GGA1: variants seen among roughly 807,000 people sequenced by gnomAD.
GGA1 encodes the protein ADP-ribosylation factor-binding protein GGA1.
Under a neutral mutation model 76.9 loss-of-function variants are expected in GGA1, and 18 were observed. That is an observed-to-expected ratio of 0.23 (90% CI 0.16 to 0.35). GGA1 has a LOEUF of 0.35. Ranked by LOEUF, GGA1 falls within the 10% of genes least tolerant of loss-of-function variation. The pLI is 1.00. For synonymous variants in GGA1, 342 were observed against 354.7 expected, an observed-to-expected ratio of 0.96 and a Z score of 0.40; for missense variants, 755 against 859.0, an observed-to-expected ratio of 0.88 and a Z score of 1.51.
At chr22:37,626,178 C>T in intron 11 of GGA1, 1 of 386,758 alleles carries the variant, frequency 2.6e-6, no homozygotes, top group East Asian at 3.7e-5. Context: ...CTAAGCCGGC[C>T]TCGGATAAGC....
intron 3 of GGA1, 30 bp from the exon 4 acceptor site, chr22:37,618,418 C>A: frequency 2.9e-6 from 4 of 1,379,488 alleles, no homozygotes; most frequent in Non-Finnish European, 4.1e-6. Flanking sequence ...TGCACCTGGG[C>A]GTCCCCTCCC....
At chr22:37,620,172 C>T (rs1003575280) in intron 4 of GGA1, 66 bp from the exon 5 acceptor site, 2 of 1,588,342 alleles carry the variant, frequency 1.3e-6, no homozygotes, top group African/African-American at 2.7e-5. Context: ...AGGGTGTGGA[C>T]AGGGCTTGAG....
At position 37,618,320 on chromosome 22, in the gene GGA1, C is replaced by T. The variant is rs916840389; in HGVS notation, c.205-128C>T. 27 of 618,302 alleles carry T rather than the reference C, an allele frequency of 4.4e-5. No individual in the cohort carries two copies. The South Asian group carries it at 5.0e-4, about 11-fold the overall frequency. The allele number at this position is 618,302 out of a possible 1,614,324, so 38.3% of individuals were successfully genotyped here. On this transcript the variant is annotated intron_variant, in intron 3 of 16. Transcript: ENST00000343632. Reference sequence around the variant, plus strand: ...GCCTGTGTGACTCTGAATCTTCCAACCTCACAGGCCATTCCCTCCCTTCTG... The same window carrying T: ...GCCTGTGTGACTCTGAATCTTCCAATCTCACAGGCCATTCCCTCCCTTCTG...
chr22:37,614,377 G>A (rs921728682), intron 2 of GGA1, 103 bp downstream of exon 2: 40 of 791,716 alleles, frequency 5.1e-5, no homozygotes, highest in Middle Eastern at 2.2e-4. Context: ...CATTCTGAAC[G>A]TATTCACAAA....
chr22:37,631,864 G>T, intron 14 of GGA1, 132 bp from the exon 15 acceptor site: 1 of 695,846 alleles, frequency 1.4e-6, no homozygotes, highest in Middle Eastern at 3.9e-4. Flanking sequence ...GTCCAGGTAA[G>T]GCCCCAAAGG....
At position 37,623,130 on chromosome 22, in the gene GGA1, G is replaced by A. The variant is rs1930184392; in HGVS notation, c.610-197G>A. ...GAGCTTGTGCAGAGGCCTGGGCACT[G>A]GGGGCTTCTTGGACCAGCGTGCCCT... On this transcript the variant is annotated intron_variant, in intron 7 of 16. Coordinates refer to ENST00000343632, the MANE Select transcript of GGA1 (RefSeq NM_013365.5). The surrounding 1 kb of genome is among the most constrained non-coding windows in gnomAD (Gnocchi z 4.6). Among the ~76,000 whole-genome samples the A allele has an allele frequency of 6.6e-6, 1 of 152,166 alleles. No individual in the cohort carries two copies. Among genetic ancestry groups the A allele is most frequent in the African/African-American group, 2.4e-5 (1 of 41,444 alleles).
chr22:37,612,057 G>A (rs1444000396), intron 1 of GGA1, among the ~76,000 whole-genome samples: 2 of 152,062 alleles, frequency 1.3e-5, no homozygotes, highest in African/African-American at 2.4e-5. Context: ...TCAGGAGGCT[G>A]AAGCAGGAGA....
intron 1 of GGA1, chr22:37,609,279 A>C: frequency 8.9e-7 from 1 of 1,127,074 alleles, no homozygotes; most frequent in East Asian, 9.5e-5. Context: ...TGCATCTCAC[A>C]CCCGGGAGGG....
At position 37,618,525 on chromosome 22, in the gene GGA1, C is replaced by T; in HGVS notation, c.282C>T (p.Leu94=). The T allele has an allele frequency of 1.2e-6, 2 of 1,610,958 alleles. No homozygotes were observed. Among genetic ancestry groups the T allele is most frequent in the South Asian group, 1.1e-5 (1 of 91,010 alleles). Residue 94 remains leucine, a synonymous_variant, in exon 4 of 17, where the codon CTC becomes CTT. Transcript: ENST00000343632. The part of the protein sequence containing the change: ...EVGKFRFLNE[L]IKVVSPKYLG... The stretch of plus-strand genomic sequence containing the variant: ...GCAAGTTCCGCTTTCTCAACGAGCT[C>T]ATCAAGGTCGTGTCTCCCAAGGTTG...
Position 37,632,224 on chromosome 22 carries a change from C to A in GGA1, c.1698+59C>A. 3 of 1,537,610 alleles carry A rather than the reference C, an allele frequency of 2.0e-6. No individual in the cohort carries two copies. Among genetic ancestry groups the A allele is most frequent in the Non-Finnish European group, 2.7e-6 (3 of 1,121,344 alleles). ...CCTCTCAAGGCAGGGTGACATGGAG[C>A]TGGGTGGGGAGCCACCTGTCAGGGG... On this transcript the variant is annotated intron_variant, in intron 15 of 16. Coordinates refer to ENST00000343632, the MANE Select transcript of GGA1 (RefSeq NM_013365.5). The surrounding 1 kb of genome is among the most constrained non-coding windows in gnomAD (Gnocchi z 5.1).
At chr22:37,608,992 C>T in intron 1 of GGA1, 89 bp downstream of exon 1, 1 of 1,346,088 alleles carries the variant, frequency 7.4e-7, no homozygotes. Context: ...GGGTACGGGT[C>T]GCCCCCTCCT....
Position 37,623,597 on chromosome 22 carries a change from C to G in GGA1, c.796C>G (p.Leu266Val). ...GCGGATGCGGCCCACGCTCTTCCGACTGGCGAGTGACACAGAGGACAATGA... is the reference window on the plus strand; with the variant it reads ...GCGGATGCGGCCCACGCTCTTCCGAGTGGCGAGTGACACAGAGGACAATGA... ...CERMRPTLFR[L>V]ASDTEDNDEA... Residue 266 changes from leucine to valine, a missense_variant, in exon 9 of 17, where the codon CTG becomes GTG. Coordinates refer to ENST00000343632, the MANE Select transcript of GGA1 (RefSeq NM_013365.5). The surrounding 1 kb of genome is among the most constrained non-coding windows in gnomAD (Gnocchi z 4.6). 1.2e-6 allele frequency: 2 copies of G among 1,601,328 alleles called. No homozygotes were observed. Among genetic ancestry groups the G allele is most frequent in the Non-Finnish European group, 8.5e-7 (1 of 1,173,904 alleles).
rs1929636095 is a variant in GGA1 at position 37,620,247 on chromosome 22, T to G, written c.313T>G (p.Ser105Ala). Reference protein sequence around the residue: ...IKVVSPKYLGSRTSEKVKNKI... With the variant: ...IKVVSPKYLGARTSEKVKNKI... ...CACTGTGTCCCTGAAGTATCTGGGC[T>G]CTCGGACATCGGAGAAGGTGAAGAA... Residue 105 changes from serine (S) to alanine (A), a missense_variant, in exon 5 of 17, where the codon TCT (serine) becomes GCT (alanine). Ser to Ala is a moderately conservative substitution (Grantham distance 99, BLOSUM62 1). Transcript: ENST00000343632. 1 of 1,613,964 alleles carries G rather than the reference T, an allele frequency of 6.2e-7. No individual in the cohort carries two copies.
rs891575165 is a variant in GGA1, at chr22:37,609,292, G to C, written c.43+389G>C. On this transcript the variant is annotated intron_variant, in intron 1 of 16. Coordinates refer to ENST00000343632, the MANE Select transcript of GGA1 (RefSeq NM_013365.5). ...GTTGCATCTCACACCCGGGAGGGAGGGACCCTACTATTTTCAGGCCCCGAA... is the reference window on the plus strand; with the variant it reads ...GTTGCATCTCACACCCGGGAGGGAGCGACCCTACTATTTTCAGGCCCCGAA... 17 of 1,123,080 alleles carry C rather than the reference G, an allele frequency of 1.5e-5. No homozygotes were observed. The Admixed American group carries it at 2.9e-4, about 19-fold the overall frequency. 69.6% of individuals were successfully genotyped at this position (1,123,080 alleles called of 1,614,324 possible).
rs1931956130 is a variant in GGA1, at chr22:37,632,248, G to A, written c.1698+83G>A. The A allele has an allele frequency of 1.4e-6, 2 of 1,410,836 alleles. No homozygotes were observed. Among genetic ancestry groups the A allele is most frequent in the South Asian group, 1.2e-5 (1 of 80,908 alleles). 87.4% of individuals were successfully genotyped at this position (1,410,836 alleles called of 1,614,324 possible). A position where few individuals can be genotyped will look rare whatever the true frequency, so the allele number is the denominator to read the frequency against. On this transcript the variant is annotated intron_variant, in intron 15 of 16. Coordinates refer to ENST00000343632, the MANE Select transcript of GGA1 (RefSeq NM_013365.5). The surrounding 1 kb of genome is among the most constrained non-coding windows in gnomAD (Gnocchi z 5.1). Reference sequence around the variant, plus strand: ...GCTGGGTGGGGAGCCACCTGTCAGGGGGCAGGTCTCCCTCCCTTGCTGGGT... The same window carrying A: ...GCTGGGTGGGGAGCCACCTGTCAGGAGGCAGGTCTCCCTCCCTTGCTGGGT...
intron 1 of GGA1, chr22:37,609,353 G>A (rs1387492184): frequency 9.1e-7 from 1 of 1,097,906 alleles, no homozygotes; most frequent in Non-Finnish European, 1.1e-6. Context: ...CGTTCCTGGA[G>A]CCCGCAAGTA....
rs575889379 is a variant in GGA1 at position 37,612,691 on chromosome 22, A to G, written c.44-1499A>G. The G allele has an allele frequency of 6.2e-3, 871 of 141,358 alleles. 4 individuals carry two copies. The highest frequency in any genetic ancestry group is 0.013 in the African/African-American group (495 of 37,546). 8.8% of individuals were successfully genotyped at this position (141,358 alleles called of 1,614,324 possible). On this transcript the variant is annotated intron_variant, in intron 1 of 16. Transcript: ENST00000343632. ...CGGGAGGCTGAGGAAGGAGAATGGC[A>G]TGAACCTGGGAGGCGGAGCTTGCAG...
At position 37,624,927 on chromosome 22, in the gene GGA1, C is replaced by A; in HGVS notation, c.833-42C>A. On this transcript the variant is annotated intron_variant, in intron 9 of 16. Coordinates refer to ENST00000343632, the MANE Select transcript of GGA1 (RefSeq NM_013365.5). The surrounding 1 kb of genome is among the most constrained non-coding windows in gnomAD (Gnocchi z 4.3). Reference sequence around the variant, plus strand: ...TCGTCCCCTGCCGCCCAGAGGCCCCCACAGTCCTTCAGCCTGGCCTCTCCC... The same window carrying A: ...TCGTCCCCTGCCGCCCAGAGGCCCCAACAGTCCTTCAGCCTGGCCTCTCCC... 1 of 1,547,654 alleles carries A rather than the reference C, an allele frequency of 6.5e-7. No individual in the cohort carries two copies. Among genetic ancestry groups the A allele is most frequent in the Admixed American group, 2.0e-5 (1 of 51,206 alleles).
Position 37,632,393 on chromosome 22 carries a change from A to G in GGA1, c.1699-12A>G, listed in dbSNP as rs995403067. The G allele has an allele frequency of 7.0e-6, 11 of 1,581,722 alleles. No homozygotes were observed. Among genetic ancestry groups the G allele is most frequent in the Non-Finnish European group, 8.7e-6 (10 of 1,150,794 alleles). ...CAGGGCTAGCTGTGCCCATCCTGCCATCTGCCCACAGGTTATGAAGGTGAA... is the reference window on the plus strand; with the variant it reads ...CAGGGCTAGCTGTGCCCATCCTGCCGTCTGCCCACAGGTTATGAAGGTGAA... On this transcript the variant is annotated splice_polypyrimidine_tract_variant and intron_variant, in intron 15 of 16. Transcript: ENST00000343632. This position sits in a 1 kb window ranked among gnomAD's most constrained non-coding sequence, Gnocchi z 5.1.
Sources: allele counts gnomAD v4.1 joint callset (sites outside exome capture counted in the v4.1 genomes callset), GRCh38; gene constraint gnomAD v4.1.1; non-coding constraint Gnocchi (gnomAD v3.1); transcripts MANE v1.5; gene names NCBI Gene and HGNC (gene_info 2026-07-23, HGNC 2026-07-21).